The following PAK3 variants were observed in gnomAD, a reference collection of about 807,000 sequenced individuals.
PAK3 encodes the protein serine/threonine-protein kinase PAK 3.
In PAK3, 4 loss-of-function variants were observed where a neutral mutation model predicts 41.0. The ratio of observed to expected loss-of-function variants is 0.10; its 90% CI spans 0.05 to 0.22. The LOEUF (loss-of-function observed/expected upper bound fraction) is 0.22, where lower values mean the gene tolerates loss of function less well. Ranked by LOEUF, PAK3 falls within the 10% of genes least tolerant of loss-of-function variation. PAK3 has a pLI of 1.00. For missense variants in PAK3, 205 were observed against 409.9 expected, an observed-to-expected ratio of 0.50 and a Z score of 4.32; for synonymous variants, 146 against 139.6, an observed-to-expected ratio of 1.05 and a Z score of -0.32.
At chrX:111,095,476 G>C (rs781731677), upstream of PAK3, among the ~76,000 whole-genome samples, 1 of 112,015 alleles carries the variant, frequency 8.9e-6, no homozygotes, top group Admixed American at 9.4e-5. Flanking sequence ...TAAAGCTTTG[G>C]CCATCTGCAA....
chrX:111,165,460 C>G (rs1319266202), intron 10 of PAK3, among the ~76,000 whole-genome samples: 1 of 112,008 alleles, frequency 8.9e-6, no homozygotes, highest in Admixed American at 9.5e-5. Context: ...CTGACCAAGT[C>G]ACCAAACCAA....
chrX:111,071,987 G>A (rs773686719), intron 1 of PAK3, among the ~76,000 whole-genome samples: 9 of 112,122 alleles, frequency 8.0e-5, no homozygotes, highest in Non-Finnish European at 1.5e-4. Context: ...ATTTCTAGAT[G>A]TTCTCTGGTT....
chrX:111,095,796 AGT>A (rs777349279), upstream of PAK3, among the ~76,000 whole-genome samples: 2 of 111,315 alleles, frequency 1.8e-5, no homozygotes, highest in South Asian at 7.8e-4. Flanking sequence ...CCCCGAATAA[AGT>A]GTGCCCGTGT....
chrX:111,204,896 T>G (rs1323744462), intron 16 of PAK3, among the ~76,000 whole-genome samples: 2 of 92,577 alleles, frequency 2.2e-5, no homozygotes, highest in African/African-American at 5.0e-5. Flanking sequence ...TTTTTTTTTT[T>G]GTAAAGAATT....
chrX:110,983,687 C>A (rs2091489241), intron 1 of PAK3, among the ~76,000 whole-genome samples: 1 of 111,548 alleles, frequency 9.0e-6, no homozygotes, highest in African/African-American at 3.3e-5. Flanking sequence ...CAGAGCCCCC[C>A]ACGCATAAAG....
At chrX:111,036,525 T>G (rs1048710268) in intron 1 of PAK3, among the ~76,000 whole-genome samples, 2 of 111,755 alleles carry the variant, frequency 1.8e-5, no homozygotes, top group Non-Finnish European at 3.8e-5. Context: ...AACCATCAGA[T>G]CTTGTGAGAA....
chrX:110,971,254 C>T (rs2091201669), intron 1 of PAK3, among the ~76,000 whole-genome samples: 1 of 111,997 alleles, frequency 8.9e-6, no homozygotes, highest in Non-Finnish European at 1.9e-5. Flanking sequence ...CCACCATCTT[C>T]CCCGGCCATA....
At chrX:111,095,038 A>G (rs1303089550), upstream of PAK3, among the ~76,000 whole-genome samples, 2 of 111,223 alleles carry the variant, frequency 1.8e-5, no homozygotes, top group African/African-American at 6.5e-5. Flanking sequence ...GGGCAGATAT[A>G]TTAGTTCACT....
At chrX:111,015,028 T>C (rs1347335708) in intron 1 of PAK3, among the ~76,000 whole-genome samples, 2 of 111,094 alleles carry the variant, frequency 1.8e-5, no homozygotes, top group Admixed American at 1.9e-4. Flanking sequence ...TTAAGTTATA[T>C]CAAGCTCCTA....
chrX:111,164,790 C>G (rs934768440), intron 10 of PAK3, among the ~76,000 whole-genome samples: 3 of 111,956 alleles, frequency 2.7e-5, no homozygotes, highest in Non-Finnish European at 5.6e-5. Context: ...ACTTTCCTGT[C>G]ATCAAGAAAT....
intron 1 of PAK3, among the ~76,000 whole-genome samples, chrX:111,097,063 C>T (rs2093014898): frequency 9.2e-6 from 1 of 108,432 alleles, no homozygotes; most frequent in Non-Finnish European, 1.9e-5. Context: ...GATGCAATAA[C>T]GCCCCCAGAA....
intron 1 of PAK3, among the ~76,000 whole-genome samples, chrX:111,056,322 T>TA (rs1043943528): frequency 8.9e-6 from 1 of 111,927 alleles, no homozygotes; most frequent in Non-Finnish European, 1.9e-5. Context: ...AGACTCTGGG[T>TA]AAAAAAGTCA....
chrX:111,126,442 A>G (rs1326111524), intron 5 of PAK3, among the ~76,000 whole-genome samples: 2 of 110,524 alleles, frequency 1.8e-5, no homozygotes, highest in South Asian at 3.9e-4. Context: ...AGGGATTACT[A>G]TTTCTGTGTT....
chrX:111,123,054 T>C (rs2093601850), intron 4 of PAK3, 23 bp from the exon 5 acceptor site: 4 of 1,029,815 alleles, frequency 3.9e-6, no homozygotes, highest in Non-Finnish European at 5.5e-6. Context: ...CTCAACTCCT[T>C]TTTTTTCCCT....
At chrX:111,194,697 G>A (rs923757767) in intron 14 of PAK3, among the ~76,000 whole-genome samples, 14 of 111,907 alleles carry the variant, frequency 1.3e-4, no homozygotes, top group African/African-American at 4.2e-4. Flanking sequence ...TGTAGTTTCC[G>A]TGAACATGGG....
rs143988435 is a variant in PAK3, at chrX:111,136,962, A to G, written c.176-5134A>G. ...GGTTTAAAAGATGGCTGTGGGAATG[A>G]TTGCAGAAGTGGAAGGGAGGTAAAA... On this transcript the variant is annotated intron_variant, in intron 5 of 17. Transcript: ENST00000372007. 4.1e-3 allele frequency among the ~76,000 whole-genome samples: 453 copies of G among 111,759 alleles called. 1 individual carries two copies. Among genetic ancestry groups the G allele is most frequent in the Admixed American group, 5.7e-3 (60 of 10,537 alleles).
chrX:111,010,089 G>C (rs1471237325), intron 1 of PAK3, among the ~76,000 whole-genome samples: 1 of 112,293 alleles, frequency 8.9e-6, no homozygotes, highest in East Asian at 2.8e-4. Flanking sequence ...ACGTTAGGCT[G>C]TTCACCTAAC....
chrX:110,972,504 G>A (rs1160384680), intron 1 of PAK3, among the ~76,000 whole-genome samples: 4 of 112,042 alleles, frequency 3.6e-5, no homozygotes, highest in Admixed American at 9.5e-5. Context: ...CAAACAGAAA[G>A]GAATAGCATC....
At chrX:111,138,358 A>G (rs976838799) in intron 5 of PAK3, among the ~76,000 whole-genome samples, 1 of 111,492 alleles carries the variant, frequency 9.0e-6, no homozygotes, top group Non-Finnish European at 1.9e-5. Flanking sequence ...GAATAAATAA[A>G]TTACACTCTT....
Sources: gnomAD v4.1 joint callset for allele counts (sites outside exome capture counted in the v4.1 genomes callset) on GRCh38, gnomAD v4.1.1 for gene constraint, MANE v1.5 for transcripts, NCBI Gene and HGNC (gene_info 2026-07-23, HGNC 2026-07-21) for gene names.